The following NTRK1 variants were observed in gnomAD, a reference collection of about 807,000 sequenced individuals.
NTRK1 encodes neurotrophic receptor tyrosine kinase 1.
A neutral mutation model predicts 86.8 loss-of-function variants in NTRK1; 62 were observed. That is an observed-to-expected ratio of 0.71 (90% confidence interval 0.58 to 0.88). The LOEUF (loss-of-function observed/expected upper bound fraction) is 0.88. NTRK1 is among the 40% of genes least tolerant of loss of function. The pLI is 0.00. For missense variants in NTRK1, 967 were observed against 1,078.4 expected, an observed-to-expected ratio of 0.90 and a Z score of 1.45; for synonymous variants, 469 against 456.6, an observed-to-expected ratio of 1.03 and a Z score of -0.35.
intron 1 of NTRK1, among the ~76,000 whole-genome samples, chr1:156,834,689 A>T (rs11264566): frequency 0.18 from 27,321 of 151,500 alleles, 4,540 homozygotes; most frequent in African/African-American, 0.45. Context: ...TTATTCTGAC[A>T]GCATTCCAGC....
chr1:156,852,121 GC>G, intron 2 of NTRK1: 1 of 1,613,480 alleles, frequency 6.2e-7, no homozygotes, highest in Non-Finnish European at 8.5e-7. Flanking sequence ...GCTGGCTGCA[GC>G]CCCCCAGGCA....
intron 2 of NTRK1, among the ~76,000 whole-genome samples, chr1:156,850,503 G>A (rs931943018): frequency 2.0e-5 from 3 of 146,462 alleles, no homozygotes; most frequent in Non-Finnish European, 4.5e-5. Context: ...AGGAGCCACC[G>A]TGCCCGACCT....
intron 1 of NTRK1, among the ~76,000 whole-genome samples, chr1:156,831,870 G>A (rs1654474928): frequency 2.6e-5 from 4 of 152,184 alleles, no homozygotes; most frequent in Admixed American, 2.0e-4. Flanking sequence ...CTCCTCCATC[G>A]TGGCTGAGTA....
chr1:156,875,463 G>T (rs2102914790), intron 11 of NTRK1, 57 bp from the exon 12 acceptor site: 1 of 1,610,410 alleles, frequency 6.2e-7, no homozygotes, highest in Non-Finnish European at 8.5e-7. Context: ...TGCAGGCAAG[G>T]GTGGGCAGGG....
chr1:156,874,811 C>T (rs575537972), intron 10 of NTRK1, 95 bp from the exon 11 acceptor site: 64 of 1,200,080 alleles, frequency 5.3e-5, no homozygotes, highest in African/African-American at 3.6e-4. Flanking sequence ...GACCTGGCTC[C>T]GGGCTCCCAT....
intron 6 of NTRK1, 62 bp downstream of exon 6, chr1:156,868,709 G>C (rs920303477): frequency 1.4e-5 from 21 of 1,539,222 alleles, no homozygotes; most frequent in Middle Eastern, 1.7e-4. Context: ...GACAAAGATG[G>C]GGAAAGAGAG....
rs1647912850 is a variant in NTRK1 at position 156,876,409 on chromosome 1, G to A, written c.1642G>A (p.Glu548Lys). 1.2e-6 allele frequency: 2 copies of A among 1,613,818 alleles called. No homozygotes were observed. The highest frequency in any genetic ancestry group is 1.7e-6 in the Non-Finnish European group (2 of 1,180,018). ...TGCCGCTTCCATCCAGGCACTGAAG[G>A]AGGCGTCCGAGAGTGCTCGGCAGGA... ...KMLVAVKALK[E>K]ASESARQDFQ... The change falls in exon 14 of 17, where the codon GAG (glutamate) becomes AAG (lysine). Residue 548 changes from glutamate to lysine, a missense_variant. Glu to Lys is a moderately conservative substitution (Grantham distance 56, BLOSUM62 1). Coordinates refer to ENST00000524377, the MANE Select transcript of NTRK1 (RefSeq NM_002529.4).
At chr1:156,839,183 T>C (rs186279347) in intron 1 of NTRK1, among the ~76,000 whole-genome samples, 1 of 152,234 alleles carries the variant, frequency 6.6e-6, no homozygotes, top group Non-Finnish European at 1.5e-5. Context: ...GTAGTTGTTG[T>C]CATAGAGACG....
chr1:156,860,532 C>A (rs1284314401), upstream of NTRK1, among the ~76,000 whole-genome samples: 1 of 152,278 alleles, frequency 6.6e-6, no homozygotes, highest in East Asian at 1.9e-4. Flanking sequence ...GGACAGCAAC[C>A]TTTCCTCAAC....
intron 4 of NTRK1, among the ~76,000 whole-genome samples, chr1:156,867,480 A>G (rs1045035030): frequency 6.6e-6 from 1 of 151,952 alleles, no homozygotes; most frequent in East Asian, 1.9e-4. Flanking sequence ...TTTCTGCATT[A>G]GATTTCTTTC....
intron 2 of NTRK1, among the ~76,000 whole-genome samples, chr1:156,848,091 A>G (rs1655073630): frequency 6.6e-6 from 1 of 151,702 alleles, no homozygotes; most frequent in Admixed American, 6.6e-5. Context: ...AGGAATCTGT[A>G]TTTAACAAAC....
In NTRK1 at chr1:156,854,112, T is replaced by C; in HGVS notation, c.51-10242T>C. ...AGGTTGGGGAAGAGGTCGCGCAGGC[T>C]CTCCAGTCCGTAGACACGGAAGAGC... On this transcript the variant is annotated intron_variant, in intron 2 of 16. Coordinates refer to the NTRK1 transcript ENST00000392302. This position sits in a 1 kb window ranked among gnomAD's most constrained non-coding sequence, Gnocchi z 4.2. 6.2e-7 allele frequency: 1 copy of C among 1,614,056 alleles called. No individual in the cohort carries two copies. Among genetic ancestry groups the C allele is most frequent in the Non-Finnish European group, 8.5e-7 (1 of 1,180,028 alleles).
chr1:156,825,754 G>A (rs1654300868), intron 1 of NTRK1, among the ~76,000 whole-genome samples: 1 of 152,152 alleles, frequency 6.6e-6, no homozygotes, highest in Admixed American at 6.5e-5. Context: ...CTGAACCTGG[G>A]GCTTCCAATT....
At chr1:156,871,841 A>C in intron 7 of NTRK1, 86 bp downstream of exon 7, 1 of 1,575,780 alleles carries the variant, frequency 6.3e-7, no homozygotes, top group Non-Finnish European at 8.7e-7. Flanking sequence ...GGCTGGAAGA[A>C]AGGGTGGGAT....
Position 156,841,181 on chromosome 1 carries a change from G to A in NTRK1, c.-63-900G>A, listed in dbSNP as rs969412564. 7 of 1,177,824 alleles carry A rather than the reference G, an allele frequency of 5.9e-6. 1 individual carries two copies. In the South Asian group the frequency reaches 8.0e-5, roughly 13 times the overall value. The allele number at this position is 1,177,824 out of a possible 1,614,324, so 73.0% of individuals were successfully genotyped here. ...TCTCAGCCTCCTGCACTGAGGGTCA[G>A]TTGGTGGGAGTGGGGATCGTGGGCC... On this transcript the variant is annotated intron_variant, in intron 1 of 16. Coordinates refer to the NTRK1 transcript ENST00000392302.
chr1:156,880,732 A>G (rs550267630), intron 16 of NTRK1, among the ~76,000 whole-genome samples: 147 of 152,274 alleles, frequency 9.7e-4, no homozygotes, highest in Non-Finnish European at 1.6e-3. Context: ...GGAGAGGGTT[A>G]TAGATTTTAA....
At chr1:156,835,757 C>T (rs1654582712) in intron 1 of NTRK1, among the ~76,000 whole-genome samples, 1 of 152,176 alleles carries the variant, frequency 6.6e-6, no homozygotes, top group Non-Finnish European at 1.5e-5. Context: ...TTGTATAGTG[C>T]TTTATAGCTT....
rs772232678 is a variant in NTRK1 at position 156,874,547 on chromosome 1, C to A, written c.1196-24C>A. On this transcript the variant is annotated intron_variant, in intron 9 of 16. Transcript: ENST00000524377. ...GGCTACAGTGTGTGTCAAGGCTCACCCCTCCTGCCCTGTGTCCCTACAGAC... is the reference window on the plus strand; with the variant it reads ...GGCTACAGTGTGTGTCAAGGCTCACACCTCCTGCCCTGTGTCCCTACAGAC... 4.3e-6 allele frequency: 7 copies of A among 1,613,438 alleles called. No individual in the cohort carries two copies. The South Asian group carries it at 7.7e-5, about 18-fold the overall frequency.
chr1:156,876,456 G>T lies in NTRK1; in HGVS notation c.1689G>T (p.Leu563=), dbSNP rs2102919372. Residue 563 remains leucine (L), a synonymous_variant, in exon 14 of 17, where the codon CTG becomes CTT. Transcript: ENST00000524377. ...ARQDFQREAE[L]LTMLQHQHIV... ...AGGACTTCCAGCGTGAGGCTGAGCT[G>T]CTCACCATGCTGCAGCACCAGCACA... The T allele has an allele frequency of 6.2e-7, 1 of 1,613,848 alleles. No individual in the cohort carries two copies. Among genetic ancestry groups the T allele is most frequent in the Non-Finnish European group, 8.5e-7 (1 of 1,180,010 alleles).
Sources: allele counts gnomAD v4.1 joint callset (sites outside exome capture counted in the v4.1 genomes callset), GRCh38; gene constraint gnomAD v4.1.1; non-coding constraint Gnocchi (gnomAD v3.1); transcripts MANE v1.5; gene names NCBI Gene and HGNC (gene_info 2026-07-23, HGNC 2026-07-21).